DPP10: variants seen among roughly 807,000 people sequenced by gnomAD.
DPP10 encodes inactive dipeptidyl peptidase 10.
DPP10 carries 33 observed loss-of-function variants against 120.9 expected under a neutral mutation model. That is an observed-to-expected ratio of 0.27 (90% confidence interval 0.21 to 0.37). The LOEUF is 0.37. Ranked by LOEUF, DPP10 falls within the 10% of genes least tolerant of loss-of-function variation. DPP10 has a pLI of 1.00. For missense variants in DPP10, 816 were observed against 942.8 expected (o/e 0.87, Z 1.76); for synonymous variants, 337 against 326.1 (o/e 1.03, Z -0.36).
At chr2:115,126,716 T>C (rs886971707) in intron 1 of DPP10, among the ~76,000 whole-genome samples, 7 of 152,178 alleles carry the variant, frequency 4.6e-5, no homozygotes, top group African/African-American at 1.7e-4. Flanking sequence ...GACATTTATA[T>C]TCCTCTTTTC....
chr2:114,952,992 G>C (rs1156764872), intron 1 of DPP10, among the ~76,000 whole-genome samples: 1 of 137,376 alleles, frequency 7.3e-6, no homozygotes, highest in African/African-American at 2.9e-5. Flanking sequence ...TCTCTTTTGA[G>C]GCTTTTTTTT....
intron 1 of DPP10, among the ~76,000 whole-genome samples, chr2:114,544,859 A>T (rs1487036616): frequency 6.0e-5 from 9 of 148,880 alleles, no homozygotes; most frequent in Non-Finnish European, 7.5e-5. Context: ...AATATATTAA[A>T]TTTTTTTTTT....
intron 3 of DPP10, among the ~76,000 whole-genome samples, chr2:115,493,822 G>A (rs139973356): frequency 2.3e-3 from 352 of 152,270 alleles, no homozygotes; most frequent in Admixed American, 3.3e-3. Context: ...AGAAGATACA[G>A]AGAATAGCTT....
At position 114,915,387 on chromosome 2, in the gene DPP10, A is replaced by G. The variant is rs145659546; in HGVS notation, c.61-393852A>G. ...CAAGTTCTTGAAGACTTAGTTAACT[A>G]CACTGTAACAGTAGGAGACTTCAAC... On this transcript the variant is annotated intron_variant, in intron 1 of 25. Coordinates refer to ENST00000410059, the MANE Select transcript of DPP10 (RefSeq NM_020868.6). Among the ~76,000 whole-genome samples the G allele has an allele frequency of 3.3e-5, 5 of 152,336 alleles. No individual in the cohort carries two copies. The East Asian group carries it at 9.7e-4, about 29-fold the overall frequency.
chr2:115,398,688 A>G (rs527909213), intron 3 of DPP10, among the ~76,000 whole-genome samples: 21 of 152,246 alleles, frequency 1.4e-4, no homozygotes, highest in African/African-American at 4.8e-4. Context: ...TTTGAGATTT[A>G]AAGGAACATA....
chr2:114,894,472 A>C (rs1016216931), intron 1 of DPP10, among the ~76,000 whole-genome samples: 10 of 152,220 alleles, frequency 6.6e-5, no homozygotes, highest in African/African-American at 2.4e-4. Context: ...ACTCTGCTTA[A>C]AAATTTAAGA....
chr2:114,783,286 T>C (rs1682487008), intron 1 of DPP10, among the ~76,000 whole-genome samples: 1 of 151,938 alleles, frequency 6.6e-6, no homozygotes, highest in Admixed American at 6.6e-5. Flanking sequence ...TAGAAACAAA[T>C]GATAAATAAA....
At chr2:114,976,333 T>C (rs1052197522) in intron 1 of DPP10, among the ~76,000 whole-genome samples, 11 of 152,212 alleles carry the variant, frequency 7.2e-5, no homozygotes, top group African/African-American at 2.7e-4. Flanking sequence ...TTGTCTGTTA[T>C]ATTTAAATAG....
chr2:115,755,786 A>G (rs889684162), intron 11 of DPP10, among the ~76,000 whole-genome samples: 4 of 152,046 alleles, frequency 2.6e-5, no homozygotes, highest in Non-Finnish European at 5.9e-5. Context: ...TATGAAATAC[A>G]CACCTGCATC....
chr2:115,099,147 GA>G (rs371431565), intron 1 of DPP10, among the ~76,000 whole-genome samples: 5 of 142,038 alleles, frequency 3.5e-5, no homozygotes, highest in African/African-American at 1.1e-4. Flanking sequence ...AAAAAAAAAA[GA>G]AAAAAAGAAA....
chr2:114,498,122 A>G (rs1682840486), intron 1 of DPP10, among the ~76,000 whole-genome samples: 2 of 152,214 alleles, frequency 1.3e-5, no homozygotes, highest in African/African-American at 2.4e-5. Context: ...AAATTATTAA[A>G]TCAAGCTAAT....
chr2:114,821,558 G>A lies in DPP10; in HGVS notation c.60+378720G>A, dbSNP rs1300657561. On this transcript the variant is annotated intron_variant, in intron 1 of 25. Coordinates refer to ENST00000410059, the MANE Select transcript of DPP10 (RefSeq NM_020868.6). ...TCCCAACAGTCCCACAAAGTCTTAA[G>A]TCATTCCAGCATTAACTCAAAAGTT... is the stretch of plus-strand genomic sequence containing the variant. Among the ~76,000 whole-genome samples, 3 of 152,224 alleles carry A rather than the reference G, an allele frequency of 2.0e-5. No individual in the cohort carries two copies. The East Asian group carries it at 5.8e-4, about 29-fold the overall frequency.
chr2:114,820,624 C>T (rs555730123), intron 1 of DPP10, among the ~76,000 whole-genome samples: 20 of 152,298 alleles, frequency 1.3e-4, no homozygotes, highest in Non-Finnish European at 2.1e-4. Flanking sequence ...CACCACTTCA[C>T]AGGGCATCAG....
intron 1 of DPP10, among the ~76,000 whole-genome samples, chr2:115,013,565 G>A (rs183679922): frequency 1.3e-4 from 20 of 151,408 alleles, no homozygotes; most frequent in East Asian, 1.9e-4. Flanking sequence ...CAAACACATC[G>A]GTGGGCTGTA....
chr2:114,666,435 T>A (rs2105596810), intron 1 of DPP10, among the ~76,000 whole-genome samples: 1 of 152,330 alleles, frequency 6.6e-6, no homozygotes. Context: ...GAACAGCCAC[T>A]CATTTCTTTT....
chr2:115,568,778 C>A (rs1484404276), intron 5 of DPP10, among the ~76,000 whole-genome samples: 2 of 152,140 alleles, frequency 1.3e-5, no homozygotes, highest in Non-Finnish European at 2.9e-5. Context: ...CATTCTGCTA[C>A]CCTTCTGCTA....
intron 1 of DPP10, among the ~76,000 whole-genome samples, chr2:114,738,892 T>C (rs1288482644): frequency 6.6e-6 from 1 of 152,172 alleles, no homozygotes; most frequent in Non-Finnish European, 1.5e-5. Context: ...CTTCCAGATA[T>C]GTGGGGAGAG....
intron 1 of DPP10, among the ~76,000 whole-genome samples, chr2:115,199,063 GTAA>G (rs1416556824): frequency 2.0e-5 from 3 of 152,048 alleles, no homozygotes; most frequent in East Asian, 3.9e-4. Context: ...AATAGTAGTA[GTAA>G]TAATAATAGC....
intron 1 of DPP10, among the ~76,000 whole-genome samples, chr2:115,020,867 C>A (rs1435823116): frequency 2.6e-5 from 4 of 151,958 alleles, no homozygotes; most frequent in Non-Finnish European, 5.9e-5. Context: ...CCAGAAGAAA[C>A]CCTCAGAATC....
Sources: gnomAD v4.1 joint callset for allele counts (sites outside exome capture counted in the v4.1 genomes callset) on GRCh38, gnomAD v4.1.1 for gene constraint, MANE v1.5 for transcripts, NCBI Gene and HGNC (gene_info 2026-07-23, HGNC 2026-07-21) for gene names.